The following ERC1 variants were observed in gnomAD, a reference collection of about 807,000 sequenced individuals.
ERC1 encodes RAB6 interacting protein 2.
A neutral mutation model predicts 132.0 loss-of-function variants in ERC1; 56 were observed. That is an observed-to-expected ratio of 0.42 (90% CI 0.34 to 0.53). The LOEUF is 0.53. Ranked by LOEUF, ERC1 falls within the 20% of genes least tolerant of loss-of-function variation. ERC1 has a pLI of 0.03. For missense variants in ERC1, 1,202 were observed against 1,349.9 expected (o/e 0.89, Z 1.72); for synonymous variants, 478 against 476.1 (o/e 1.00, Z -0.05).
At chr12:1,359,112 C>A (rs2085824611) in intron 15 of ERC1, among the ~76,000 whole-genome samples, 1 of 152,066 alleles carries the variant, frequency 6.6e-6, no homozygotes, top group South Asian at 2.1e-4. Flanking sequence ...AAACTTTGAC[C>A]AAGGTGGGGA....
chr12:1,431,740 A>C (rs1038391931), intron 17 of ERC1, among the ~76,000 whole-genome samples: 2 of 152,182 alleles, frequency 1.3e-5, no homozygotes, highest in African/African-American at 4.8e-5. Flanking sequence ...ATTTTTTAAG[A>C]TAGTAATTAT....
chr12:1,056,844 T>C (rs1184098207), intron 2 of ERC1, among the ~76,000 whole-genome samples: 2 of 152,214 alleles, frequency 1.3e-5, no homozygotes, highest in Non-Finnish European at 2.9e-5. Context: ...GGCTGCTCTT[T>C]GTTAGAAAAG....
At chr12:1,154,720 AAAT>A (rs1409401940) in intron 8 of ERC1, among the ~76,000 whole-genome samples, 1 of 152,182 alleles carries the variant, frequency 6.6e-6, no homozygotes, top group Non-Finnish European at 1.5e-5. Context: ...CAAGAAAAAA[AAAT>A]AATCCCATAA....
intron 2 of ERC1, among the ~76,000 whole-genome samples, chr12:1,042,951 T>TA (rs1970496351): frequency 6.6e-6 from 1 of 152,126 alleles, no homozygotes; most frequent in Non-Finnish European, 1.5e-5. Flanking sequence ...TCCTGTCTTG[T>TA]AATTTTAGGA....
intron 12 of ERC1, among the ~76,000 whole-genome samples, chr12:1,227,496 C>A (rs1332984128): frequency 6.6e-6 from 1 of 152,136 alleles, no homozygotes; most frequent in Non-Finnish European, 1.5e-5. Flanking sequence ...GATCCTTTGC[C>A]CATTTTAAAA....
At chr12:1,047,610 A>G (rs186121867) in intron 2 of ERC1, among the ~76,000 whole-genome samples, 4 of 152,344 alleles carry the variant, frequency 2.6e-5, no homozygotes, top group Non-Finnish European at 4.4e-5. Flanking sequence ...GATTTCTCAA[A>G]TAATGTGTTT....
chr12:1,471,143 T>A (rs1249050236), intron 18 of ERC1, among the ~76,000 whole-genome samples: 1 of 152,190 alleles, frequency 6.6e-6, no homozygotes, highest in African/African-American at 2.4e-5. Context: ...AGATAAAACC[T>A]GCTGAGCATG....
At chr12:1,174,559 T>G (rs1953475049) in intron 8 of ERC1, among the ~76,000 whole-genome samples, 1 of 152,242 alleles carries the variant, frequency 6.6e-6, no homozygotes, top group African/African-American at 2.4e-5. Context: ...ATAGTTTAAC[T>G]ACATATCAGG....
chr12:1,406,988 T>A (rs552220270), intron 16 of ERC1, among the ~76,000 whole-genome samples: 1 of 152,250 alleles, frequency 6.6e-6, no homozygotes, highest in Non-Finnish European at 1.5e-5. Flanking sequence ...ATTTTACTAG[T>A]GTAACATATT....
chr12:1,259,464 G>C (rs1301428454), intron 13 of ERC1, among the ~76,000 whole-genome samples: 1 of 151,002 alleles, frequency 6.6e-6, no homozygotes, highest in African/African-American at 2.4e-5. Flanking sequence ...GTCTTTCCTA[G>C]GGTACCTTAG....
chr12:1,021,581 C>T (rs1467017878), intron 1 of ERC1, among the ~76,000 whole-genome samples: 1 of 151,938 alleles, frequency 6.6e-6, no homozygotes, highest in African/African-American at 2.4e-5. Flanking sequence ...CACCTGTAGT[C>T]CCAGCTACTC....
chr12:1,014,983 C>T (rs1262333179), intron 1 of ERC1, among the ~76,000 whole-genome samples: 3 of 151,670 alleles, frequency 2.0e-5, no homozygotes, highest in Admixed American at 6.6e-5. Flanking sequence ...AGGCTGGTCC[C>T]GAACTCCTGA....
chr12:992,870 A>C (rs1245792315), intron 1 of ERC1, among the ~76,000 whole-genome samples: 1 of 152,236 alleles, frequency 6.6e-6, no homozygotes, highest in Non-Finnish European at 1.5e-5. Context: ...TTTATGGAGG[A>C]AGAGAAGCTG....
chr12:1,153,265 G>T (rs984849107), intron 8 of ERC1, among the ~76,000 whole-genome samples: 2 of 152,220 alleles, frequency 1.3e-5, no homozygotes, highest in African/African-American at 2.4e-5. Flanking sequence ...TTAATCCCAA[G>T]ATGTCTCTCT....
chr12:1,439,955 C>T (rs186931321), intron 17 of ERC1, among the ~76,000 whole-genome samples: 51 of 152,086 alleles, frequency 3.4e-4, no homozygotes, highest in Non-Finnish European at 4.9e-4. Flanking sequence ...TCATGTGTTC[C>T]GAGAGGCTTA....
intron 13 of ERC1, among the ~76,000 whole-genome samples, chr12:1,240,297 G>C (rs2075706845): frequency 6.6e-6 from 1 of 152,096 alleles, no homozygotes; most frequent in Non-Finnish European, 1.5e-5. Context: ...TTTTTTGATA[G>C]TTTATTGAAG....
At chr12:1,408,388 C>A in intron 17 of ERC1, 141 bp downstream of exon 17, 1 of 553,926 alleles carries the variant, frequency 1.8e-6, no homozygotes, top group Non-Finnish European at 3.1e-6. Flanking sequence ...AAACTCTACT[C>A]TTTTCAAAAA....
chr12:1,166,838 T>A (rs1179579224), intron 8 of ERC1, among the ~76,000 whole-genome samples: 1 of 152,234 alleles, frequency 6.6e-6, no homozygotes, highest in Non-Finnish European at 1.5e-5. Flanking sequence ...CCTGAGAGAA[T>A]ATAGCCTTTG....
At chr12:1,198,215 A>C (rs1003516425) in intron 12 of ERC1, among the ~76,000 whole-genome samples, 7 of 152,202 alleles carry the variant, frequency 4.6e-5, no homozygotes, top group Non-Finnish European at 1.0e-4. Flanking sequence ...GAGGTGAGCC[A>C]CTGCAGCCAG....
Sources: gnomAD v4.1 joint callset for allele counts (sites outside exome capture counted in the v4.1 genomes callset) on GRCh38, gnomAD v4.1.1 for gene constraint, MANE v1.5 for transcripts, NCBI Gene and HGNC (gene_info 2026-07-23, HGNC 2026-07-21) for gene names.